The following NAA40 variants were observed in gnomAD, a reference collection of about 807,000 sequenced individuals.
The protein encoded by NAA40 is N-alpha-acetyltransferase 40.
In NAA40, 26 loss-of-function variants were observed where a neutral mutation model predicts 36.6. That is an observed-to-expected ratio of 0.71 (90% CI 0.52 to 0.98). NAA40 has a LOEUF of 0.98. Ranked by LOEUF, NAA40 falls within the 50% of genes least tolerant of loss-of-function variation. NAA40 has a pLI of 0.00. For synonymous variants in NAA40, 129 were observed against 108.4 expected (o/e 1.19, Z -1.18); for missense variants, 237 against 306.5 (o/e 0.77, Z 1.69).
Position 63,950,742 on chromosome 11 carries a change from G to A in NAA40, c.156-1496G>A, listed in dbSNP as rs192638084. ...CTCCCAAAGTGCTGGGATTACAGGC[G>A]TGAGCCACTGTGCCCGGCCTCATAG... On this transcript the variant is annotated intron_variant, in intron 3 of 7. Transcript: ENST00000377793. 5.5e-4 allele frequency among the ~76,000 whole-genome samples: 83 copies of A among 152,254 alleles called. No individual in the cohort carries two copies. The East Asian group carries it at 0.014, about 25-fold the overall frequency.
Position 63,949,905 on chromosome 11 carries a change from C to T in NAA40, c.156-2333C>T, listed in dbSNP as rs548789515. ...GACTACAGGCACCCGCCACCACGCC[C>T]GGCTAATTTTTTGTATTTTTAGTAG... On this transcript the variant is annotated intron_variant, in intron 3 of 7. Coordinates refer to ENST00000377793, the MANE Select transcript of NAA40 (RefSeq NM_024771.4). 1.3e-3 allele frequency among the ~76,000 whole-genome samples: 196 copies of T among 151,702 alleles called. 1 individual carries two copies. Among genetic ancestry groups the T allele is most frequent in the African/African-American group, 4.5e-3 (188 of 41,372 alleles).
At chr11:63,952,610 G>A (rs1942298138) in intron 5 of NAA40, 45 bp downstream of exon 5, 7 of 1,609,078 alleles carry the variant, frequency 4.4e-6, no homozygotes, top group Admixed American at 3.3e-5. Flanking sequence ...AGACCCTGGC[G>A]ATGTTCCAGG....
Position 63,948,993 on chromosome 11 carries a change from C to T in NAA40, c.155+1990C>T, listed in dbSNP as rs562026359. On this transcript the variant is annotated intron_variant, in intron 3 of 7. Coordinates refer to ENST00000377793, the MANE Select transcript of NAA40 (RefSeq NM_024771.4). ...CCCAGGAGTCCAAGACCAGTCCTGG[C>T]GACATAGGAAGACCCTGTCTCTACA... 6.3e-3 allele frequency among the ~76,000 whole-genome samples: 964 copies of T among 151,908 alleles called. 10 individuals are homozygous for T. The highest frequency in any genetic ancestry group is 8.6e-3 in the Non-Finnish European group (582 of 67,994).
In NAA40 at chr11:63,945,954, C is replaced by G; in HGVS notation, c.102+19C>G. The stretch of plus-strand genomic sequence containing the variant: ...CAACAGGGTGATTCTCCCTTTCTTC[C>G]CAGTCCCTGCCTCCTGGGACTTCAG... On this transcript the variant is annotated intron_variant, in intron 2 of 7. Transcript: ENST00000377793. 1 of 1,602,510 alleles carries G rather than the reference C, an allele frequency of 6.2e-7. No individual in the cohort carries two copies.
At chr11:63,952,732 C>T (rs1247986857) in intron 5 of NAA40, 24 bp from the exon 6 acceptor site, 3 of 1,613,616 alleles carry the variant, frequency 1.9e-6, no homozygotes, top group Non-Finnish European at 2.5e-6. Context: ...CCTGCACGCT[C>T]ACCTCTCTGC....
chr11:63,947,668 A>G (rs1469434690), intron 3 of NAA40, among the ~76,000 whole-genome samples: 1 of 149,070 alleles, frequency 6.7e-6, no homozygotes. Context: ...CTCCTGCCTC[A>G]GCCTCCCAAG....
rs147453250 is a variant in NAA40, at chr11:63,954,646, C to G, written c.*167C>G. ...CTGGGGAGAAGTGGTATCAGCTGCT[C>G]CTCCTCTCCTAGGAGACCAGAGTGC... On this transcript the variant is annotated 3_prime_UTR_variant, in exon 8 of 8. Coordinates refer to ENST00000377793, the MANE Select transcript of NAA40 (RefSeq NM_024771.4). The G allele has an allele frequency of 2.0e-3, 1,228 of 628,150 alleles. 2 individuals are homozygous for G. The highest frequency in any genetic ancestry group is 2.7e-3 in the Non-Finnish European group (1,084 of 405,788). 38.9% of individuals were successfully genotyped at this position (628,150 alleles called of 1,614,324 possible).
intron 2 of NAA40, chr11:63,946,163 C>T: frequency 1.8e-6 from 1 of 555,636 alleles, no homozygotes; most frequent in Non-Finnish European, 3.2e-6. Flanking sequence ...TGGCTGCCTC[C>T]CTGTGGATCT....
chr11:63,952,927 G>GCCTTCCCTCCCGCTGC, intron 6 of NAA40, 88 bp downstream of exon 6: 1 of 1,173,064 alleles, frequency 8.5e-7, no homozygotes, highest in Non-Finnish European at 1.3e-6. Flanking sequence ...AGCCTTGTTG[G>GCCTTCCCTCCCGCTGC]AGGAGGAGGC....
intron 3 of NAA40, among the ~76,000 whole-genome samples, chr11:63,948,869 C>G (rs901080140): frequency 6.6e-6 from 1 of 151,934 alleles, no homozygotes; most frequent in Non-Finnish European, 1.5e-5. Flanking sequence ...CCTTTCTGTT[C>G]CTCAATTTTC....
rs768976192 is a variant in NAA40 at position 63,952,787 on chromosome 11, C to T, written c.442C>T (p.Arg148Trp). Reference protein sequence around the residue: ...YEVQLESKVRRKGLGKFLIQI... With the variant: ...YEVQLESKVRWKGLGKFLIQI... ...AGTGCAGTTGGAAAGCAAGGTGCGG[C>T]GGAAAGGCCTGGGGAAGTTCCTCAT... Residue 148 changes from arginine to tryptophan, a missense_variant, in exon 6 of 8, where the codon CGG becomes TGG. Transcript: ENST00000377793. 9 of 1,614,106 alleles carry T rather than the reference C, an allele frequency of 5.6e-6. No homozygotes were observed. The highest frequency in any genetic ancestry group is 3.3e-5 in the Admixed American group (2 of 60,012).
chr11:63,950,075 A>G (rs7929867), intron 3 of NAA40, among the ~76,000 whole-genome samples: 8,567 of 149,526 alleles, frequency 0.057, 829 homozygotes, highest in African/African-American at 0.2. Flanking sequence ...AGGAAGAAAG[A>G]GAATATATGC....
chr11:63,950,608 AC>A (rs920070432), intron 3 of NAA40, among the ~76,000 whole-genome samples: 2 of 150,294 alleles, frequency 1.3e-5, no homozygotes, highest in African/African-American at 4.9e-5. Context: ...GATTACAGGC[AC>A]CCCCCACCAC....
intron 1 of NAA40, among the ~76,000 whole-genome samples, chr11:63,943,535 A>T (rs937996549): frequency 1.3e-5 from 2 of 152,220 alleles, no homozygotes; most frequent in African/African-American, 4.8e-5. Context: ...CATGATCTGC[A>T]GCCCATCCCT....
intron 3 of NAA40, among the ~76,000 whole-genome samples, chr11:63,951,183 T>G (rs1034995980): frequency 6.6e-6 from 1 of 152,190 alleles, no homozygotes; most frequent in Non-Finnish European, 1.5e-5. Flanking sequence ...CTGACTCTAG[T>G]CCTTTCAGAA....
At chr11:63,947,515 T>C (rs1169137322) in intron 3 of NAA40, among the ~76,000 whole-genome samples, 1 of 152,176 alleles carries the variant, frequency 6.6e-6, no homozygotes, top group Non-Finnish European at 1.5e-5. Context: ...TGAGCAAAGA[T>C]TGCACTTAAT....
Position 63,939,182 on chromosome 11 carries a change from TCTCACGTGACCCCGACCCCCTCCAGC to T in NAA40, c.6+94_6+119del, listed in dbSNP as rs1391151411. 161 of 999,750 alleles carry T rather than the reference TCTCACGTGACCCCGACCCCCTCCAGC, an allele frequency of 1.6e-4. 1 individual carries two copies. Among genetic ancestry groups the T allele is most frequent in the East Asian group, 4.8e-4 (5 of 10,454 alleles). 61.9% of individuals were successfully genotyped at this position (999,750 alleles called of 1,614,324 possible). ...CGCCCCCTTTGTTCTTAAACCCCCC[TCTCACGTGACCCCGACCCCCTCCAGC>T]CTCACGTGACCCCTGACCCCCACAT... is the stretch of plus-strand genomic sequence containing the variant. On this transcript the variant is annotated intron_variant, in intron 1 of 7. Coordinates refer to ENST00000377793, the MANE Select transcript of NAA40 (RefSeq NM_024771.4).
intron 3 of NAA40, among the ~76,000 whole-genome samples, chr11:63,947,393 G>A (rs1942205238): frequency 6.7e-6 from 1 of 149,660 alleles, no homozygotes; most frequent in East Asian, 1.9e-4. Context: ...GGTAACAAGA[G>A]TGAAACTCCA....
chr11:63,945,912 G>T lies in NAA40; in HGVS notation c.79G>T (p.Ala27Ser), dbSNP rs556188624. 6.2e-7 allele frequency: 1 copy of T among 1,614,134 alleles called. No homozygotes were observed. Among genetic ancestry groups the T allele is most frequent in the South Asian group, 1.1e-5 (1 of 91,078 alleles). ...EERAAMDAVC[A>S]KVDAANRLGD... is the part of the protein sequence containing the mutation. ...GCGAGCAGCCATGGATGCCGTTTGT[G>T]CCAAAGTGGACGCTGCCAACAGGGT... Residue 27 changes from alanine to serine, a missense_variant, in exon 2 of 8, where the codon GCC becomes TCC. By Grantham distance (99) the Ala-to-Ser change is moderately conservative. Transcript: ENST00000377793.
Sources: allele counts gnomAD v4.1 joint callset (sites outside exome capture counted in the v4.1 genomes callset), GRCh38; gene constraint gnomAD v4.1.1; transcripts MANE v1.5; gene names NCBI Gene and HGNC (gene_info 2026-07-23, HGNC 2026-07-21).